Variants in LIFR observed in about 807,000 individuals in gnomAD.
LIFR encodes leukemia inhibitory factor receptor.
LIFR carries 84 observed loss-of-function variants against 122.2 expected under a neutral mutation model. The ratio of observed to expected loss-of-function variants is 0.69; its 90% CI spans 0.58 to 0.82. The LOEUF (loss-of-function observed/expected upper bound fraction) is 0.82. LIFR is among the 40% of genes least tolerant of loss of function. LIFR has a pLI of 0.00. For missense variants in LIFR, 1,294 were observed against 1,311.6 expected (o/e 0.99, Z 0.21); for synonymous variants, 422 against 434.7 (o/e 0.97, Z 0.36).
At position 38,477,961 on chromosome 5, in the gene LIFR, T is replaced by A. The variant is rs1280358386; in HGVS notation, c.*3634A>T. ...AAATAACCTTAGAGCAAACAAAAAATTTTATTAGATTATATACCTGAGCAA... is the reference window on the plus strand; with the variant it reads ...AAATAACCTTAGAGCAAACAAAAAAATTTATTAGATTATATACCTGAGCAA... On this transcript the variant is annotated 3_prime_UTR_variant, in exon 20 of 20. Transcript: ENST00000453190. 1.4e-5 allele frequency: 3 copies of A among 211,988 alleles called. No individual in the cohort carries two copies. Among genetic ancestry groups the A allele is most frequent in the African/African-American group, 6.8e-5 (3 of 44,088 alleles). 13.1% of individuals were successfully genotyped at this position (211,988 alleles called of 1,614,324 possible).
chr5:38,593,135 G>A (rs550516670), intron 1 of LIFR, among the ~76,000 whole-genome samples: 140 of 152,220 alleles, frequency 9.2e-4, no homozygotes, highest in Non-Finnish European at 1.7e-3. Context: ...CCCAGGAGGC[G>A]GAGGTTGCGG....
At chr5:38,528,120 T>C (rs1284697157) in intron 3 of LIFR, among the ~76,000 whole-genome samples, 1 of 152,194 alleles carries the variant, frequency 6.6e-6, no homozygotes, top group African/African-American at 2.4e-5. Context: ...ATTCAAGCCA[T>C]TGTACTCAAT....
rs1743881241 is a variant in LIFR, at chr5:38,479,563, A to T, written c.*2032T>A. 1 of 231,210 alleles carries T rather than the reference A, an allele frequency of 4.3e-6. No individual in the cohort carries two copies. The highest frequency in any genetic ancestry group is 8.6e-6 in the Non-Finnish European group (1 of 116,760). The allele number at this position is 231,210 out of a possible 1,614,324, so 14.3% of individuals were successfully genotyped here. On this transcript the variant is annotated 3_prime_UTR_variant, in exon 20 of 20. Transcript: ENST00000453190. ...TCTTCTGGCCTTTTCTCATTATCTC[A>T]GGTTAGCGCCGTTTAGAGCAATAAA...
At chr5:38,573,428 A>G (rs1749279462) in intron 1 of LIFR, among the ~76,000 whole-genome samples, 1 of 152,240 alleles carries the variant, frequency 6.6e-6, no homozygotes, top group Non-Finnish European at 1.5e-5. Context: ...TACCTGTTAC[A>G]TATTACCATA....
chr5:38,556,000 G>A (rs865867183), intron 1 of LIFR, among the ~76,000 whole-genome samples: 2 of 152,178 alleles, frequency 1.3e-5, no homozygotes, highest in African/African-American at 4.8e-5. Flanking sequence ...TTGAAGCAGA[G>A]GGGCACGAAA....
At chr5:38,502,318 C>T (rs1345551905) in intron 11 of LIFR, among the ~76,000 whole-genome samples, 4 of 151,802 alleles carry the variant, frequency 2.6e-5, no homozygotes, top group Non-Finnish European at 4.4e-5. Context: ...AGTGCAATGG[C>T]GCAATCTTGG....
chr5:38,505,838 A>AT, intron 9 of LIFR, 67 bp downstream of exon 9: 1 of 1,052,274 alleles, frequency 9.5e-7, no homozygotes, highest in Non-Finnish European at 1.4e-6. Context: ...CCCTATAAGC[A>AT]TTTTTCATTA....
intron 7 of LIFR, among the ~76,000 whole-genome samples, chr5:38,509,049 C>T (rs549200305): frequency 6.6e-6 from 1 of 152,144 alleles, no homozygotes; most frequent in Non-Finnish European, 1.5e-5. Context: ...AAATATTGTA[C>T]AATATTTCAA....
At chr5:38,567,121 T>A (rs2112706403) in intron 1 of LIFR, among the ~76,000 whole-genome samples, 1 of 152,326 alleles carries the variant, frequency 6.6e-6, no homozygotes. Flanking sequence ...TTGATTTTTT[T>A]AAAGAACTGT....
intron 1 of LIFR, among the ~76,000 whole-genome samples, chr5:38,552,482 G>T (rs1748256451): frequency 6.6e-6 from 1 of 152,148 alleles, no homozygotes; most frequent in Admixed American, 6.6e-5. Flanking sequence ...TCATTAGTCT[G>T]TCATCTGGCC....
At chr5:38,526,014 A>G (rs1239180009) in intron 4 of LIFR, among the ~76,000 whole-genome samples, 1 of 152,222 alleles carries the variant, frequency 6.6e-6, no homozygotes, top group African/African-American at 2.4e-5. Context: ...AGTAATGGCC[A>G]TAATTACAAG....
intron 1 of LIFR, among the ~76,000 whole-genome samples, chr5:38,578,885 A>G (rs1381791787): frequency 2.0e-5 from 3 of 152,140 alleles, no homozygotes; most frequent in Non-Finnish European, 4.4e-5. Flanking sequence ...GACACGTTTC[A>G]TATATATTTT....
At chr5:38,528,691 C>T in intron 3 of LIFR, 35 bp downstream of exon 3, 1 of 1,263,372 alleles carries the variant, frequency 7.9e-7, no homozygotes. Flanking sequence ...GCAATTCAAC[C>T]TAGCTCATTG....
intron 1 of LIFR, among the ~76,000 whole-genome samples, chr5:38,547,100 C>A (rs1043900966): frequency 6.6e-6 from 1 of 152,150 alleles, no homozygotes; most frequent in Admixed American, 6.5e-5. Context: ...CCAGTGGGGG[C>A]AAGGGGAGTA....
At chr5:38,483,654 C>G (rs866667377) in intron 18 of LIFR, among the ~76,000 whole-genome samples, 5 of 152,186 alleles carry the variant, frequency 3.3e-5, no homozygotes, top group South Asian at 2.1e-4. Context: ...TGGTCTCGAT[C>G]TCCTGACCTT....
At chr5:38,520,095 T>C (rs1596663) in intron 5 of LIFR, among the ~76,000 whole-genome samples, 2,516 of 152,252 alleles carry the variant, frequency 0.017, 55 homozygotes, top group African/African-American at 0.058. Context: ...TCGCATTGTA[T>C]AAGAGCTTCC....
chr5:38,525,630 C>T (rs1463709527), intron 4 of LIFR, among the ~76,000 whole-genome samples: 1 of 152,166 alleles, frequency 6.6e-6, no homozygotes, highest in Non-Finnish European at 1.5e-5. Context: ...TCAACAGTTA[C>T]ACAGCTGTAT....
chr5:38,600,073 T>C (rs1277456534), upstream of LIFR, among the ~76,000 whole-genome samples: 14 of 152,222 alleles, frequency 9.2e-5, no homozygotes, highest in Admixed American at 9.2e-4. Context: ...ATCCCTTATC[T>C]TAACCCAGAC....
At chr5:38,512,558 T>A (rs561547634) in intron 5 of LIFR, among the ~76,000 whole-genome samples, 1 of 152,298 alleles carries the variant, frequency 6.6e-6, no homozygotes, top group South Asian at 2.1e-4. Flanking sequence ...GAGGGTCTAT[T>A]GAGCCTGGAA....
Sources: gnomAD v4.1 joint callset for allele counts (sites outside exome capture counted in the v4.1 genomes callset) on GRCh38, gnomAD v4.1.1 for gene constraint, MANE v1.5 for transcripts, NCBI Gene and HGNC (gene_info 2026-07-23, HGNC 2026-07-21) for gene names.